PAPSS1: variants seen among roughly 807,000 people sequenced by gnomAD.
The protein encoded by PAPSS1 is 3'-phosphoadenosine 5'-phosphosulfate synthase 1, also known as bifunctional 3'-phosphoadenosine 5'-phosphosulfate synthase 1.
In PAPSS1, 50 loss-of-function variants were observed where a neutral mutation model predicts 72.0. The observed-to-expected ratio is 0.69, with a 90% CI of 0.55 to 0.88. The LOEUF is 0.88. Ranked by LOEUF, PAPSS1 falls within the 40% of genes least tolerant of loss-of-function variation. PAPSS1 has a pLI of 0.00. For synonymous variants in PAPSS1, 261 were observed against 263.6 expected (o/e 0.99, Z 0.09); for missense variants, 657 against 782.2 (o/e 0.84, Z 1.91).
In PAPSS1 at chr4:107,654,682, GT is replaced by G. The variant is rs1355977061; in HGVS notation, c.1101+12del. 14 of 1,606,414 alleles carry G rather than the reference GT, an allele frequency of 8.7e-6. No homozygotes were observed. The Admixed American group carries it at 1.8e-4, about 21-fold the overall frequency. The stretch of plus-strand genomic sequence containing the variant: ...GCAAATCAAGATAAAATGCAGCGAG[GT>G]TTTTTCAGCACCTTAATATAGGGGT... On this transcript the variant is annotated intron_variant, in intron 8 of 11. Coordinates refer to ENST00000265174, the MANE Select transcript of PAPSS1 (RefSeq NM_005443.5).
At position 107,701,042 on chromosome 4, in the gene PAPSS1, T is replaced by C. The variant is rs539036907; in HGVS notation, c.175+129A>G. The C allele has an allele frequency of 5.9e-5, 27 of 457,908 alleles. No homozygotes were observed. The East Asian group carries it at 8.8e-4, about 15-fold the overall frequency. 28.4% of individuals were successfully genotyped at this position (457,908 alleles called of 1,614,324 possible). ...AACAAGAAATATTATTAAGCAACTA[T>C]GTCAGTTATATGTCGTGATGCTCCA... On this transcript the variant is annotated intron_variant, in intron 2 of 11. Coordinates refer to ENST00000265174, the MANE Select transcript of PAPSS1 (RefSeq NM_005443.5).
At chr4:107,689,404 T>C (rs1722862684) in intron 3 of PAPSS1, among the ~76,000 whole-genome samples, 1 of 152,200 alleles carries the variant, frequency 6.6e-6, no homozygotes, top group Non-Finnish European at 1.5e-5. Flanking sequence ...ACCAATGTGC[T>C]TCCTCACAGC....
intron 1 of PAPSS1, among the ~76,000 whole-genome samples, chr4:107,710,810 T>G (rs1223924697): frequency 1.3e-5 from 2 of 150,542 alleles, no homozygotes; most frequent in Non-Finnish European, 2.9e-5. Context: ...CAGCTCTGGC[T>G]CTCTCTCTCC....
At chr4:107,645,654 A>C (rs1726673536) in intron 9 of PAPSS1, among the ~76,000 whole-genome samples, 1 of 152,250 alleles carries the variant, frequency 6.6e-6, no homozygotes, top group Non-Finnish European at 1.5e-5. Flanking sequence ...CCCTTAAAAC[A>C]ATGAAAACTG....
At chr4:107,701,306 A>C in intron 1 of PAPSS1, 21 bp from the exon 2 acceptor site, 3 of 1,558,284 alleles carry the variant, frequency 1.9e-6, no homozygotes, top group Non-Finnish European at 2.6e-6. Context: ...AAGAAAAAAA[A>C]AATTCTAGTT....
intron 5 of PAPSS1, among the ~76,000 whole-genome samples, chr4:107,663,821 T>C (rs948015991): frequency 6.6e-6 from 1 of 152,194 alleles, no homozygotes; most frequent in Non-Finnish European, 1.5e-5. Context: ...GTCCAAGAAA[T>C]TAGACTATAT....
At chr4:107,618,642 G>A (rs1291176372) in intron 11 of PAPSS1, among the ~76,000 whole-genome samples, 1 of 152,072 alleles carries the variant, frequency 6.6e-6, no homozygotes, top group Non-Finnish European at 1.5e-5. Context: ...AGATGTGGTG[G>A]TTAATGCAAA....
At chr4:107,626,684 T>A (rs1726109980) in intron 11 of PAPSS1, among the ~76,000 whole-genome samples, 1 of 152,190 alleles carries the variant, frequency 6.6e-6, no homozygotes, top group Non-Finnish European at 1.5e-5. Flanking sequence ...CAAAACAAAT[T>A]CATTAATTAC....
At chr4:107,697,793 A>T (rs536474769) in intron 2 of PAPSS1, among the ~76,000 whole-genome samples, 1 of 152,338 alleles carries the variant, frequency 6.6e-6, no homozygotes, top group African/African-American at 2.4e-5. Context: ...TCCACCCAGA[A>T]CCTCAGAAGG....
intron 11 of PAPSS1, among the ~76,000 whole-genome samples, chr4:107,622,453 A>T (rs1039784425): frequency 6.6e-6 from 1 of 152,246 alleles, no homozygotes; most frequent in Non-Finnish European, 1.5e-5. Context: ...TCAACCACTA[A>T]GAGAAAAAAA....
chr4:107,664,775 T>C (rs1237355768), intron 5 of PAPSS1, among the ~76,000 whole-genome samples: 3 of 152,228 alleles, frequency 2.0e-5, no homozygotes, highest in African/African-American at 4.8e-5. Flanking sequence ...CTGAAATATT[T>C]TGTGCACTAA....
chr4:107,631,537 T>C (rs1469900208), intron 11 of PAPSS1, 94 bp downstream of exon 11: 8 of 823,442 alleles, frequency 9.7e-6, no homozygotes, highest in African/African-American at 1.7e-5. Flanking sequence ...CCACAAAACC[T>C]GTCATCAGTA....
At chr4:107,681,965 G>C (rs773941514) in intron 5 of PAPSS1, 50 bp downstream of exon 5, 2 of 885,964 alleles carry the variant, frequency 2.3e-6, no homozygotes, top group Non-Finnish European at 3.6e-6. Context: ...GAAAGATTAT[G>C]AGAGAGATAT....
At chr4:107,637,797 G>C (rs910830177) in intron 10 of PAPSS1, among the ~76,000 whole-genome samples, 3 of 152,148 alleles carry the variant, frequency 2.0e-5, no homozygotes, top group African/African-American at 7.2e-5. Flanking sequence ...AAAAACATTG[G>C]TTGTGTTAAT....
At chr4:107,693,695 T>G (rs1722998751) in intron 3 of PAPSS1, 76 bp downstream of exon 3, 1 of 1,013,254 alleles carries the variant, frequency 9.9e-7, no homozygotes, top group South Asian at 1.4e-5. Flanking sequence ...ATATCAATGT[T>G]TAAAGTATGT....
At chr4:107,666,140 T>C (rs1430812192) in intron 5 of PAPSS1, among the ~76,000 whole-genome samples, 1 of 152,224 alleles carries the variant, frequency 6.6e-6, no homozygotes, top group Non-Finnish European at 1.5e-5. Flanking sequence ...CTGGCTTTTA[T>C]GTGTAGCATA....
chr4:107,635,486 A>C (rs1298496531), intron 10 of PAPSS1, among the ~76,000 whole-genome samples: 1 of 152,196 alleles, frequency 6.6e-6, no homozygotes, highest in Non-Finnish European at 1.5e-5. Context: ...CTCATCCAAC[A>C]TGTCAATTCA....
Position 107,701,271 on chromosome 4 carries a change from T to G in PAPSS1, c.75A>C (p.Ala25=). The change falls in exon 2 of 12, where the codon GCA becomes GCC. Residue 25 remains alanine (A), a synonymous_variant. Transcript: ENST00000265174. The stretch of plus-strand genomic sequence containing the variant: ...GATGGGCTTGGTAGGTGACATTGGT[T>G]GCTCTCTGCATTCCCTAGAAAAAAA... ...NNAQNWGMQR[A]TNVTYQAHHV... is the part of the protein sequence containing the mutation. 6.2e-7 allele frequency: 1 copy of G among 1,612,554 alleles called. No homozygotes were observed. Among genetic ancestry groups the G allele is most frequent in the Non-Finnish European group, 8.5e-7 (1 of 1,179,040 alleles).
intron 5 of PAPSS1, among the ~76,000 whole-genome samples, chr4:107,681,586 A>G (rs1722608241): frequency 6.6e-6 from 1 of 152,140 alleles, no homozygotes; most frequent in African/African-American, 2.4e-5. Context: ...CCCTCTCTAG[A>G]ATCCACCCAT....
Sources: gnomAD v4.1 joint callset for allele counts (sites outside exome capture counted in the v4.1 genomes callset) on GRCh38, gnomAD v4.1.1 for gene constraint, MANE v1.5 for transcripts, NCBI Gene and HGNC (gene_info 2026-07-23, HGNC 2026-07-21) for gene names.